The following EYS variants were observed in gnomAD, a reference collection of about 807,000 sequenced individuals.
EYS encodes the protein EGF-like photoreceptor maintenance factor.
In EYS, 250 loss-of-function variants were observed where a neutral mutation model predicts 282.1. The observed-to-expected ratio is 0.89, with a 90% CI of 0.80 to 0.98. The LOEUF is 0.98. Among genes scored for constraint, EYS ranks in the 50% least tolerant of loss-of-function variants. The pLI is 0.00. For synonymous variants in EYS, 1,355 were observed against 1,282.9 expected (o/e 1.06, Z -1.20); for missense variants, 4,016 against 3,709.0 (o/e 1.08, Z -2.15).
At chr6:64,513,862 A>T (rs920395126) in intron 26 of EYS, among the ~76,000 whole-genome samples, 8 of 151,844 alleles carry the variant, frequency 5.3e-5, no homozygotes. Context: ...AATGAGAAAG[A>T]CTATAGATTT....
chr6:64,806,506 TG>T (rs1484281970), intron 22 of EYS, among the ~76,000 whole-genome samples: 1 of 152,118 alleles, frequency 6.6e-6, no homozygotes, highest in Non-Finnish European at 1.5e-5. Flanking sequence ...TCACTTTTAC[TG>T]ATTTTCCTGC....
At chr6:65,114,960 TG>T (rs1479675513) in intron 12 of EYS, among the ~76,000 whole-genome samples, 8 of 152,058 alleles carry the variant, frequency 5.3e-5, no homozygotes, top group Non-Finnish European at 8.8e-5. Context: ...CTAAAGTTCA[TG>T]TTATCTTTTA....
intron 22 of EYS, among the ~76,000 whole-genome samples, chr6:64,738,528 C>T (rs551737121): frequency 1.3e-5 from 2 of 152,056 alleles, no homozygotes; most frequent in South Asian, 2.1e-4. Flanking sequence ...GAAAAACAGA[C>T]TAATGCAGGA....
At chr6:63,938,925 A>G (rs1765152020) in intron 35 of EYS, among the ~76,000 whole-genome samples, 1 of 152,214 alleles carries the variant, frequency 6.6e-6, no homozygotes. Flanking sequence ...AATAACAGAA[A>G]TCAAAAGGCA....
chr6:63,835,089 T>C (rs1352839575), intron 36 of EYS, among the ~76,000 whole-genome samples: 2 of 149,314 alleles, frequency 1.3e-5, no homozygotes, highest in Admixed American at 6.7e-5. Context: ...CATTAAGGGA[T>C]ATACCTAATG....
chr6:63,842,359 A>G (rs1771983408), intron 36 of EYS, among the ~76,000 whole-genome samples: 1 of 152,224 alleles, frequency 6.6e-6, no homozygotes, highest in Admixed American at 6.5e-5. Context: ...TCTAATGACC[A>G]GTGATGATGA....
chr6:64,118,514 T>C (rs1773466004), intron 31 of EYS, among the ~76,000 whole-genome samples: 1 of 152,072 alleles, frequency 6.6e-6, no homozygotes, highest in Non-Finnish European at 1.5e-5. Flanking sequence ...GATCCCTATC[T>C]CTCACCATAT....
At chr6:65,490,504 A>C in intron 5 of EYS, 90 bp downstream of exon 5, 2 of 782,644 alleles carry the variant, frequency 2.6e-6, no homozygotes, top group Non-Finnish European at 4.4e-6. Flanking sequence ...ATTTTTCAAT[A>C]ATAAAGGAAA....
chr6:64,953,369 T>G (rs1769578368), intron 14 of EYS, among the ~76,000 whole-genome samples: 2 of 151,786 alleles, frequency 1.3e-5, no homozygotes, highest in African/African-American at 2.4e-5. Context: ...TTTGCTTTAA[T>G]AAAAAAACTT....
chr6:64,958,440 T>C (rs6455019), intron 14 of EYS, among the ~76,000 whole-genome samples: 38,449 of 151,736 alleles, frequency 0.25, 6,082 homozygotes, highest in African/African-American at 0.44. Flanking sequence ...AACCTCACTT[T>C]CACAGAGATT....
chr6:65,163,315 T>G (rs1764895605), intron 12 of EYS, among the ~76,000 whole-genome samples: 1 of 151,262 alleles, frequency 6.6e-6, no homozygotes, highest in Non-Finnish European at 1.5e-5. Context: ...CAACATAACA[T>G]GTTGTAACTA....
chr6:65,283,342 A>G (rs1306052877), intron 12 of EYS, among the ~76,000 whole-genome samples: 1 of 151,974 alleles, frequency 6.6e-6, no homozygotes, highest in Admixed American at 6.6e-5. Context: ...TTTATTTTAT[A>G]ATTCCAAATG....
At chr6:65,295,653 G>T (rs1768639599) in intron 12 of EYS, 1 of 559,154 alleles carries the variant, frequency 1.8e-6, no homozygotes, top group East Asian at 3.1e-5. Context: ...TTATTTGCAT[G>T]AGCAAGGCTG....
rs181237415 is a variant in EYS, at chr6:64,988,003, C to T, written c.2259+9579G>A. Among the ~76,000 whole-genome samples the T allele has an allele frequency of 8.2e-4, 124 of 151,168 alleles. 1 individual carries two copies. The Middle Eastern group carries it at 0.017, about 21-fold the overall frequency. ...TAATATACTCATCCACATTTATATC[C>T]ACACCAATCCCATTGGTCTCTTTTG... On this transcript the variant is annotated intron_variant, in intron 14 of 42. Transcript: ENST00000503581.
chr6:63,747,331 T>A (rs566514942), intron 41 of EYS, among the ~76,000 whole-genome samples: 1 of 152,340 alleles, frequency 6.6e-6, no homozygotes, highest in South Asian at 2.1e-4. Context: ...AAGATTTCCA[T>A]CTTTTGCATT....
At chr6:64,753,413 G>A (rs974864854) in intron 22 of EYS, among the ~76,000 whole-genome samples, 1 of 151,518 alleles carries the variant, frequency 6.6e-6, no homozygotes, top group African/African-American at 2.4e-5. Context: ...CAAGGTAAAG[G>A]GGTGGAAAAA....
At chr6:64,801,022 T>C (rs1283491189) in intron 22 of EYS, among the ~76,000 whole-genome samples, 1 of 152,080 alleles carries the variant, frequency 6.6e-6, no homozygotes, top group Non-Finnish European at 1.5e-5. Flanking sequence ...TTCTAAATAA[T>C]GAGAAGTTTA....
At chr6:63,994,536 A>G (rs1208915494) in intron 34 of EYS, among the ~76,000 whole-genome samples, 1 of 151,868 alleles carries the variant, frequency 6.6e-6, no homozygotes, top group East Asian at 1.9e-4. Context: ...AACATCTTGG[A>G]TAGCAAACCT....
chr6:65,244,703 T>A (rs1422326671), intron 12 of EYS, among the ~76,000 whole-genome samples: 1 of 138,062 alleles, frequency 7.2e-6, no homozygotes, highest in Non-Finnish European at 1.6e-5. Flanking sequence ...TTTTTTTTTT[T>A]AGTAGAGACG....
Sources: gnomAD v4.1 joint callset for allele counts (sites outside exome capture counted in the v4.1 genomes callset) on GRCh38, gnomAD v4.1.1 for gene constraint, MANE v1.5 for transcripts, NCBI Gene and HGNC (gene_info 2026-07-23, HGNC 2026-07-21) for gene names.